TUBB8: variants seen among roughly 807,000 people sequenced by gnomAD.
TUBB8 encodes tubulin beta 8 class VIII.
A neutral mutation model predicts 33.7 loss-of-function variants in TUBB8; 25 were observed. The observed-to-expected ratio is 0.74, with a 90% CI of 0.54 to 1.04. The LOEUF is 1.04. Ranked by LOEUF, TUBB8 falls within the 50% of genes least tolerant of loss-of-function variation. The pLI is 0.00. For missense variants in TUBB8, 279 were observed against 608.0 expected (o/e 0.46, Z 5.69); for synonymous variants, 245 against 240.1 (o/e 1.02, Z -0.19).
At chr10:59,033 C>A (rs1464296511) in intron 1 of TUBB8, among the ~76,000 whole-genome samples, 14 of 151,778 alleles carry the variant, frequency 9.2e-5, no homozygotes, top group Admixed American at 7.2e-4. Context: ...TTAGTTTTTC[C>A]CCACTTGGTA....
chr10:46,783 T>C (rs1458619420), downstream of TUBB8: 1 of 418,204 alleles, frequency 2.4e-6, no homozygotes, highest in East Asian at 5.0e-5. Flanking sequence ...GGAATGCTTG[T>C]TCCTGGGCAT....
At chr10:48,957 G>A (rs782226878) in intron 1 of TUBB8, 45 bp from the exon 2 acceptor site, 1 of 1,398,638 alleles carries the variant, frequency 7.1e-7, no homozygotes, top group Admixed American at 2.0e-5. Context: ...CTGAGTCAGG[G>A]AGGCGCCCCA....
At chr10:74,123 C>CGTCCTCACAGTGGACCCCCA (rs1834777202) in exon 1 of TUBB8, 2 of 151,376 alleles carry the variant, frequency 1.3e-5, no homozygotes, top group African/African-American at 4.8e-5. Context: ...GTGGACCCCC[C>CGTCCTCACAGTGGACCCCCA]GTCCTCACAG....
upstream of TUBB8, among the ~76,000 whole-genome samples, chr10:50,724 T>C (rs182792417): frequency 1.3e-5 from 2 of 152,348 alleles, no homozygotes; most frequent in African/African-American, 4.8e-5. Context: ...TGTTAACTTT[T>C]AAATTCTTTC....
At chr10:64,975 T>TAAAAAAAAA (rs61340461) in intron 1 of TUBB8, among the ~76,000 whole-genome samples, 6 of 118,534 alleles carry the variant, frequency 5.1e-5, no homozygotes, top group African/African-American at 1.8e-4. Context: ...CCATCTCCAC[T>TAAAAAAAAA]AAAAAAAAAA....
upstream of TUBB8, chr10:49,745 C>T: frequency 2.7e-6 from 1 of 368,454 alleles, no homozygotes; most frequent in Non-Finnish European, 5.3e-6. Context: ...GCAGTTCTAA[C>T]CCACAATAAG....
intron 1 of TUBB8, among the ~76,000 whole-genome samples, chr10:60,777 G>A (rs1372023167): frequency 2.6e-5 from 4 of 152,092 alleles, no homozygotes; most frequent in African/African-American, 7.2e-5. Flanking sequence ...ATATGCACAC[G>A]TATGTTTATT....
chr10:64,284 G>GCCCTAA (rs368666031), intron 1 of TUBB8, among the ~76,000 whole-genome samples: 2,850 of 149,884 alleles, frequency 0.019, 81 homozygotes, highest in African/African-American at 0.066. Flanking sequence ...CCTAGCCCTA[G>GCCCTAA]CCCTAACCCT....
At chr10:68,494 T>C (rs1211604692) in intron 1 of TUBB8, among the ~76,000 whole-genome samples, 9 of 152,242 alleles carry the variant, frequency 5.9e-5, no homozygotes, top group African/African-American at 1.7e-4. Context: ...ACCGGGGTGC[T>C]TGGTACACAG....
intron 1 of TUBB8, among the ~76,000 whole-genome samples, chr10:54,384 T>C (rs186988034): frequency 6.6e-6 from 1 of 151,768 alleles, no homozygotes; most frequent in South Asian, 2.1e-4. Flanking sequence ...TTCTTTCTTA[T>C]AGCTGAATAG....
chr10:52,814 C>T (rs1461816906), upstream of TUBB8, among the ~76,000 whole-genome samples: 1 of 152,200 alleles, frequency 6.6e-6, no homozygotes, highest in Non-Finnish European at 1.5e-5. Context: ...TTCTAGATGC[C>T]TTGTGAGTAC....
At chr10:65,346 G>A (rs13328808) in intron 1 of TUBB8, among the ~76,000 whole-genome samples, 3 of 152,028 alleles carry the variant, frequency 2.0e-5, no homozygotes, top group African/African-American at 4.8e-5. Flanking sequence ...AATCCCATCC[G>A]CAATTTAATA....
At chr10:67,519 G>A (rs1554741767) in intron 1 of TUBB8, among the ~76,000 whole-genome samples, 1 of 152,108 alleles carries the variant, frequency 6.6e-6, no homozygotes, top group African/African-American at 2.4e-5. Flanking sequence ...CTGCCTCCTG[G>A]GTTCAAGCAA....
At chr10:49,354 C>T (rs560492404), upstream of TUBB8, 2 of 1,040,314 alleles carry the variant, frequency 1.9e-6, no homozygotes, top group Non-Finnish European at 2.9e-6. Flanking sequence ...CCCTCCGCCT[C>T]GGATTCGGCT....
chr10:64,975 TAA>T (rs61340461), intron 1 of TUBB8, among the ~76,000 whole-genome samples: 12,400 of 118,404 alleles, frequency 0.1, 464 homozygotes, highest in Non-Finnish European at 0.12. Flanking sequence ...CCATCTCCAC[TAA>T]AAAAAAAAAA....
At chr10:56,193 T>C (rs1834528384) in intron 1 of TUBB8, among the ~76,000 whole-genome samples, 1 of 152,264 alleles carries the variant, frequency 6.6e-6, no homozygotes, top group African/African-American at 2.4e-5. Context: ...TGAAAACTTT[T>C]ATTTCTTTGG....
At chr10:49,722 G>C (rs35849539), upstream of TUBB8, 111,385 of 379,130 alleles carry the variant, frequency 0.29, 17,564 homozygotes, top group Middle Eastern at 0.38. Flanking sequence ...TCAATTATAC[G>C]TTTTACTTTG....
chr10:50,928 C>A (rs781938167), upstream of TUBB8, among the ~76,000 whole-genome samples: 2 of 152,182 alleles, frequency 1.3e-5, no homozygotes, highest in Non-Finnish European at 2.9e-5. Flanking sequence ...AATCATCTCT[C>A]TTATGTCTGG....
At position 46,972 on chromosome 10, in the gene TUBB8, T is replaced by G; in HGVS notation, c.*85A>C. The stretch of plus-strand genomic sequence containing the variant: ...GCAGCAGGAGATGTGAAGACACAAA[T>G]TAACAAGCGTATAGTGACACATGGC... On this transcript the variant is annotated 3_prime_UTR_variant, in exon 4 of 4. Transcript: ENST00000568584. 1 of 602,422 alleles carries G rather than the reference T, an allele frequency of 1.7e-6. No individual in the cohort carries two copies. Among genetic ancestry groups the G allele is most frequent in the South Asian group, 2.0e-5 (1 of 51,082 alleles). The allele number at this position is 602,422 out of a possible 1,614,324, so 37.3% of individuals were successfully genotyped here. A position where few individuals can be genotyped will look rare whatever the true frequency, so the allele number is the denominator to read the frequency against.
Sources: gnomAD v4.1 joint callset for allele counts (sites outside exome capture counted in the v4.1 genomes callset) on GRCh38, gnomAD v4.1.1 for gene constraint, MANE v1.5 for transcripts, NCBI Gene and HGNC (gene_info 2026-07-23, HGNC 2026-07-21) for gene names.